The following PTGFRN variants were observed in gnomAD, a reference collection of about 807,000 sequenced individuals.
PTGFRN encodes the protein prostaglandin F2 receptor negative regulator.
PTGFRN carries 35 observed loss-of-function variants against 83.2 expected under a neutral mutation model. That is an observed-to-expected ratio of 0.42 (90% CI 0.32 to 0.56). The LOEUF is 0.56. Ranked by LOEUF, PTGFRN falls within the 20% of genes least tolerant of loss-of-function variation. The probability of loss-of-function intolerance (pLI) is 0.11; values close to 1 mark genes in which losing one functional copy is unlikely to be tolerated. For missense variants in PTGFRN, 1,051 were observed against 1,179.5 expected, an observed-to-expected ratio of 0.89 and a Z score of 1.60; for synonymous variants, 519 against 498.6, an observed-to-expected ratio of 1.04 and a Z score of -0.55.
chr1:116,955,161 G>T (rs1417877005), intron 4 of PTGFRN, among the ~76,000 whole-genome samples: 1 of 152,118 alleles, frequency 6.6e-6, no homozygotes, highest in Non-Finnish European at 1.5e-5. Context: ...CCTTTCTTTA[G>T]GGGAGGGTCA....
intron 7 of PTGFRN, among the ~76,000 whole-genome samples, chr1:116,983,448 G>A (rs912058213): frequency 6.8e-6 from 1 of 146,490 alleles, no homozygotes; most frequent in Non-Finnish European, 1.5e-5. Flanking sequence ...GCTGTTTATG[G>A]CACTCCCTCT....
chr1:116,946,607 C>A (rs982852682), intron 3 of PTGFRN, among the ~76,000 whole-genome samples: 5 of 152,168 alleles, frequency 3.3e-5, no homozygotes, highest in African/African-American at 1.2e-4. Flanking sequence ...AGCTAAGAGA[C>A]TTGAACACTG....
intron 6 of PTGFRN, among the ~76,000 whole-genome samples, chr1:116,969,415 G>A (rs141220684): frequency 8.5e-4 from 129 of 152,268 alleles, no homozygotes; most frequent in Non-Finnish European, 1.4e-3. Context: ...AATCATAAAT[G>A]TAGGGTTTAT....
rs532597166 is a variant in PTGFRN at position 116,964,845 on chromosome 1, T to A, written c.1640-2066T>A. 2.5e-4 allele frequency among the ~76,000 whole-genome samples: 38 copies of A among 152,378 alleles called. 1 individual carries two copies. In the South Asian group the frequency reaches 7.9e-3, roughly 32 times the overall value. On this transcript the variant is annotated intron_variant, in intron 5 of 8. Coordinates refer to ENST00000393203, the MANE Select transcript of PTGFRN (RefSeq NM_020440.4). ...TCGTTGTTAAAATTGACTTAGAATC[T>A]GGCTACTTTTCACACTCTGCCATTT...
Position 116,952,710 on chromosome 1 carries a change from CT to C in PTGFRN, c.1213+3139del. Among the ~76,000 whole-genome samples the C allele has an allele frequency of 6.6e-6, 1 of 152,308 alleles. No homozygotes were observed. Among genetic ancestry groups the C allele is most frequent in the Admixed American group, 6.5e-5 (1 of 15,302 alleles). ...TAACTCTTTCAGCAAGACAAACTTT[CT>C]CTTGGCATTGAATTTATCATGTGCT... On this transcript the variant is annotated intron_variant, in intron 4 of 8. Transcript: ENST00000393203. This position sits in a 1 kb window ranked among gnomAD's most constrained non-coding sequence, Gnocchi z 4.0.
intron 4 of PTGFRN, among the ~76,000 whole-genome samples, chr1:116,950,752 A>C (rs1233177526): frequency 6.6e-6 from 1 of 152,090 alleles, no homozygotes; most frequent in African/African-American, 2.4e-5. Flanking sequence ...GGAAGGGACA[A>C]TCCGATTCCG....
intron 7 of PTGFRN, among the ~76,000 whole-genome samples, chr1:116,977,149 G>A (rs893701226): frequency 5.9e-5 from 9 of 152,110 alleles, no homozygotes; most frequent in African/African-American, 2.2e-4. Flanking sequence ...ATGGTAAAGG[G>A]ATCAATTCAA....
rs1649457727 is a variant in PTGFRN at position 116,918,359 on chromosome 1, A to G, written c.49+8107A>G. Among the ~76,000 whole-genome samples the G allele has an allele frequency of 6.6e-6, 1 of 152,162 alleles. No individual in the cohort carries two copies. The highest frequency in any genetic ancestry group is 6.5e-5 in the Admixed American group (1 of 15,274). On this transcript the variant is annotated intron_variant, in intron 1 of 8. Transcript: ENST00000393203. This position sits in a 1 kb window ranked among gnomAD's most constrained non-coding sequence, Gnocchi z 4.1. ...TAATACCTCTCTTGGAGGTTTTTCC[A>G]TGAAGATTAAAAACAATATATTTAG...
intron 4 of PTGFRN, among the ~76,000 whole-genome samples, chr1:116,960,811 G>A (rs943749315): frequency 6.6e-6 from 1 of 152,168 alleles, no homozygotes; most frequent in Non-Finnish European, 1.5e-5. Flanking sequence ...ACTGTTGGGT[G>A]GGGTTTTCCG....
In PTGFRN at chr1:116,910,094, G is replaced by C; in HGVS notation, c.-110G>C. ...CGCGAGGAGAGCGGAGCAGGCGCGCGGCCCAGGCGGAGGAGCGCCGACTCT... is the reference window on the plus strand; with the variant it reads ...CGCGAGGAGAGCGGAGCAGGCGCGCCGCCCAGGCGGAGGAGCGCCGACTCT... On this transcript the variant is annotated 5_prime_UTR_variant, in exon 1 of 9. Transcript: ENST00000393203. The C allele has an allele frequency of 8.3e-7, 1 of 1,206,002 alleles. No homozygotes were observed. The highest frequency in any genetic ancestry group is 1.2e-6 in the Non-Finnish European group (1 of 856,720). The allele number at this position is 1,206,002 out of a possible 1,614,324, so 74.7% of individuals were successfully genotyped here. A position where few individuals can be genotyped will look rare whatever the true frequency, so the allele number is the denominator to read the frequency against.
At chr1:116,934,792 T>C (rs562598081) in intron 1 of PTGFRN, among the ~76,000 whole-genome samples, 2 of 152,344 alleles carry the variant, frequency 1.3e-5, no homozygotes, top group East Asian at 1.9e-4. Flanking sequence ...ATCTTCTATC[T>C]GAGAAGATTT....
At chr1:116,977,181 A>C (rs1431634592) in intron 7 of PTGFRN, among the ~76,000 whole-genome samples, 1 of 152,202 alleles carries the variant, frequency 6.6e-6, no homozygotes, top group East Asian at 1.9e-4. Context: ...AACTATCCTA[A>C]ATATATATGC....
At chr1:116,979,246 C>A (rs561452640) in intron 7 of PTGFRN, among the ~76,000 whole-genome samples, 59 of 152,278 alleles carry the variant, frequency 3.9e-4, no homozygotes, top group Admixed American at 8.5e-4. Context: ...GAAGAACATT[C>A]CATCCTCATG....
chr1:116,932,160 C>T (rs1265754109), intron 1 of PTGFRN, among the ~76,000 whole-genome samples: 1 of 152,160 alleles, frequency 6.6e-6, no homozygotes, highest in Non-Finnish European at 1.5e-5. Context: ...AAATAAAATC[C>T]ATTTCCCATG....
At chr1:116,981,891 A>G (rs539104013) in intron 7 of PTGFRN, among the ~76,000 whole-genome samples, 51 of 152,362 alleles carry the variant, frequency 3.3e-4, no homozygotes, top group African/African-American at 1.2e-3. Context: ...CCAGTAGGGA[A>G]GGTGAACATG....
intron 7 of PTGFRN, among the ~76,000 whole-genome samples, chr1:116,983,582 A>G (rs1430101093): frequency 2.0e-5 from 3 of 151,560 alleles, no homozygotes; most frequent in South Asian, 2.1e-4. Context: ...ACATGTTTAG[A>G]GTGAGCTAAG....
intron 6 of PTGFRN, among the ~76,000 whole-genome samples, chr1:116,972,068 A>G (rs996874927): frequency 1.1e-4 from 17 of 152,264 alleles, no homozygotes; most frequent in African/African-American, 4.1e-4. Flanking sequence ...CGCCTATGGC[A>G]TAAGTGTCCC....
intron 1 of PTGFRN, among the ~76,000 whole-genome samples, chr1:116,920,744 C>T (rs538409078): frequency 6.6e-6 from 1 of 152,258 alleles, no homozygotes; most frequent in Non-Finnish European, 1.5e-5. Context: ...ATGCCTCGGC[C>T]ACCCAAGTAG....
chr1:116,968,156 A>T (rs1030852432), intron 6 of PTGFRN, among the ~76,000 whole-genome samples: 1 of 152,176 alleles, frequency 6.6e-6, no homozygotes, highest in African/African-American at 2.4e-5. Context: ...AATGCAAAGG[A>T]TTATCATTTG....
Sources: allele counts gnomAD v4.1 joint callset (sites outside exome capture counted in the v4.1 genomes callset), GRCh38; gene constraint gnomAD v4.1.1; non-coding constraint Gnocchi (gnomAD v3.1); transcripts MANE v1.5; gene names NCBI Gene and HGNC (gene_info 2026-07-23, HGNC 2026-07-21).